SLC9A4: variants seen among roughly 807,000 people sequenced by gnomAD.
The protein encoded by SLC9A4 is sodium/hydrogen exchanger 4.
In SLC9A4, 63 loss-of-function variants were observed where a neutral mutation model predicts 67.4. The observed-to-expected ratio is 0.93, with a 90% confidence interval of 0.76 to 1.15. The LOEUF is 1.15. Ranked by LOEUF, SLC9A4 falls within the 50% of genes most tolerant of loss-of-function variation. The pLI is 0.00. For missense variants in SLC9A4, 1,089 were observed against 987.7 expected (o/e 1.10, Z -1.38); for synonymous variants, 393 against 367.2 (o/e 1.07, Z -0.80).
intron 9 of SLC9A4, among the ~76,000 whole-genome samples, chr2:102,521,094 T>A (rs1685399668): frequency 6.6e-6 from 1 of 152,166 alleles, no homozygotes; most frequent in Non-Finnish European, 1.5e-5. Context: ...AAATAATAGA[T>A]AACAACTTCC....
chr2:102,512,624 G>A (rs1048440602), intron 7 of SLC9A4, among the ~76,000 whole-genome samples: 4 of 152,226 alleles, frequency 2.6e-5, no homozygotes, highest in Admixed American at 6.5e-5. Context: ...TAGAAAGGGA[G>A]CTTGGTGCCT....
At position 102,510,278 on chromosome 2, in the gene SLC9A4, T is replaced by TACAGATACAGATACAGATACAGATAC. The variant is rs60613081; in HGVS notation, c.1488+1346_1488+1347insCAGATACAGATACAGATACAGATACA. Among the ~76,000 whole-genome samples, 45 of 55,038 alleles carry TACAGATACAGATACAGATACAGATAC rather than the reference T, an allele frequency of 8.2e-4. 1 individual carries two copies. The highest frequency in any genetic ancestry group is 2.1e-3 in the African/African-American group (41 of 19,796). 36.1% of individuals were successfully genotyped at this position (55,038 alleles called of 152,430 possible). On this transcript the variant is annotated intron_variant, in intron 6 of 11. Coordinates refer to ENST00000295269, the MANE Select transcript of SLC9A4 (RefSeq NM_001011552.4). Reference sequence around the variant, plus strand: ...ACAGATACAGATACAGATACAGATATAGATATAGATATAGATATAGATATA... The same window carrying TACAGATACAGATACAGATACAGATAC: ...ACAGATACAGATACAGATACAGATATACAGATACAGATACAGATACAGATACAGATATAGATATAGATATAGATATA...
intron 8 of SLC9A4, among the ~76,000 whole-genome samples, chr2:102,515,997 C>T (rs553002485): frequency 2.0e-5 from 3 of 152,318 alleles, no homozygotes; most frequent in African/African-American, 4.8e-5. Flanking sequence ...CTGATTAATG[C>T]AGTTTAGACC....
intron 5 of SLC9A4, 101 bp from the exon 6 acceptor site, chr2:102,508,746 C>T: frequency 1.2e-6 from 1 of 865,132 alleles, no homozygotes. Flanking sequence ...AGTACAAAAA[C>T]ATATAGATTG....
rs751535857 is a variant in SLC9A4, at chr2:102,532,555, A to T, written c.2264A>T (p.Asp755Val). The change falls in exon 12 of 12, where the codon GAT becomes GTT. Residue 755 changes from aspartate (D) to valine (V), a missense_variant. Physicochemically the swap from Asp to Val is radical, Grantham distance 152. Transcript: ENST00000295269. ...CCCAAACCTCTGTTTCATGCAGTGG[A>T]TGAGGAGGGTGAGTCTGGAGGGGAG... ...LRPKPLFHAV[D>V]EEGESGGESE... 8 of 1,614,038 alleles carry T rather than the reference A, an allele frequency of 5.0e-6. No individual in the cohort carries two copies. The highest frequency in any genetic ancestry group is 4.0e-5 in the African/African-American group (3 of 75,044).
At chr2:102,525,231 G>C in intron 10 of SLC9A4, 76 bp downstream of exon 10, 1 of 1,589,086 alleles carries the variant, frequency 6.3e-7, no homozygotes. Flanking sequence ...TTCCTGTACA[G>C]GATCTCACAT....
chr2:102,498,316 A>T (rs1487040362), intron 2 of SLC9A4, among the ~76,000 whole-genome samples: 1 of 152,246 alleles, frequency 6.6e-6, no homozygotes, highest in African/African-American at 2.4e-5. Flanking sequence ...TTAGCTTCTG[A>T]AACTGCCATG....
intron 2 of SLC9A4, among the ~76,000 whole-genome samples, chr2:102,487,178 G>GGTGTGTGTGTGTGTGTGT (rs55756786): frequency 0.011 from 1,682 of 149,178 alleles, 45 homozygotes; most frequent in African/African-American, 0.039. Context: ...GCTCACAGCT[G>GGTGTGTGTGTGTGTGTGT]GTGTGTGTGT....
intron 10 of SLC9A4, among the ~76,000 whole-genome samples, chr2:102,525,873 T>C (rs1674653118): frequency 6.6e-6 from 1 of 152,084 alleles, no homozygotes; most frequent in African/African-American, 2.4e-5. Context: ...AGGTCTGTGT[T>C]CTTCCCCTTA....
At chr2:102,530,510 G>T (rs560763175) in intron 11 of SLC9A4, among the ~76,000 whole-genome samples, 16 of 152,308 alleles carry the variant, frequency 1.1e-4, no homozygotes, top group South Asian at 2.1e-4. Context: ...AACTTTGCAA[G>T]TCACATACCC....
Position 102,475,421 on chromosome 2 carries a change from A to G in SLC9A4, c.256+1406A>G, listed in dbSNP as rs116609254. On this transcript the variant is annotated intron_variant, in intron 1 of 11. Coordinates refer to ENST00000295269, the MANE Select transcript of SLC9A4 (RefSeq NM_001011552.4). ...TACCAGGAAACTCGTCCTGTCACTG[A>G]CTAGCTAGTTGCTCTGTTTATCAGT... 1.5e-3 allele frequency among the ~76,000 whole-genome samples: 229 copies of G among 152,328 alleles called. 1 individual carries two copies. Among genetic ancestry groups the G allele is most frequent in the African/African-American group, 5.4e-3 (224 of 41,580 alleles).
intron 2 of SLC9A4, among the ~76,000 whole-genome samples, chr2:102,480,338 A>G (rs1397754775): frequency 1.3e-5 from 2 of 151,688 alleles, no homozygotes; most frequent in Non-Finnish European, 2.9e-5. Flanking sequence ...TTGCTTAGAT[A>G]TAACAAGTCT....
At chr2:102,531,730 A>C (rs1188478486) in intron 11 of SLC9A4, among the ~76,000 whole-genome samples, 1 of 152,200 alleles carries the variant, frequency 6.6e-6, no homozygotes, top group Non-Finnish European at 1.5e-5. Context: ...GTAAATTATC[A>C]GGAAAGGGAA....
intron 2 of SLC9A4, among the ~76,000 whole-genome samples, chr2:102,485,487 G>C (rs77912386): frequency 0.1 from 15,673 of 152,204 alleles, 1,035 homozygotes; most frequent in Middle Eastern, 0.18. Context: ...TTCCTTTGCC[G>C]TCTTCTCTTC....
chr2:102,481,684 C>T (rs975611326), intron 2 of SLC9A4, among the ~76,000 whole-genome samples: 3 of 152,020 alleles, frequency 2.0e-5, no homozygotes, highest in Non-Finnish European at 4.4e-5. Context: ...TATTTTCTTC[C>T]ATTCTATTAT....
chr2:102,512,755 C>G (rs1263691826), intron 7 of SLC9A4, among the ~76,000 whole-genome samples: 2 of 152,140 alleles, frequency 1.3e-5, no homozygotes, highest in African/African-American at 4.8e-5. Context: ...TTCACCATAT[C>G]TCACCTTTCA....
Position 102,474,040 on chromosome 2 carries a change from G to T in SLC9A4, c.256+25G>T, listed in dbSNP as rs373684225. 3.1e-5 allele frequency: 50 copies of T among 1,605,188 alleles called. No homozygotes were observed. In the African/African-American group the frequency reaches 5.6e-4, roughly 18 times the overall value. On this transcript the variant is annotated intron_variant, in intron 1 of 11. Coordinates refer to ENST00000295269, the MANE Select transcript of SLC9A4 (RefSeq NM_001011552.4). ...GGTAAGTCCTTAAACACCTGGTTTG[G>T]TGAGTTATCTTTTTACATAAGATAG... is the stretch of plus-strand genomic sequence containing the variant.
chr2:102,527,587 A>G (rs181351261), intron 11 of SLC9A4, among the ~76,000 whole-genome samples: 14 of 152,322 alleles, frequency 9.2e-5, no homozygotes, highest in Non-Finnish European at 1.8e-4. Context: ...CTCCCTTAGT[A>G]TATTTTCCTA....
intron 2 of SLC9A4, among the ~76,000 whole-genome samples, chr2:102,502,486 A>G (rs1229742401): frequency 6.6e-6 from 1 of 152,212 alleles, no homozygotes; most frequent in African/African-American, 2.4e-5. Context: ...TATTAACTAT[A>G]ATAAAGGCAT....
Sources: gnomAD v4.1 joint callset for allele counts (sites outside exome capture counted in the v4.1 genomes callset) on GRCh38, gnomAD v4.1.1 for gene constraint, MANE v1.5 for transcripts, NCBI Gene and HGNC (gene_info 2026-07-23, HGNC 2026-07-21) for gene names.